The following ZNF775 variants were observed in gnomAD, a reference collection of about 807,000 sequenced individuals.
ZNF775 encodes the protein zinc finger protein 775.
Under a neutral mutation model 2.4 loss-of-function variants are expected in ZNF775, and 1 was observed. That is an observed-to-expected ratio of 0.41 (90% CI 0.15 to 1.94). ZNF775 has a LOEUF of 1.94. Ranked by LOEUF, ZNF775 falls within the 30% of genes most tolerant of loss-of-function variation. ZNF775 has a pLI of 0.30. For synonymous variants in ZNF775, 381 were observed against 373.3 expected (o/e 1.02, Z -0.24); for missense variants, 823 against 826.6 (o/e 1.00, Z 0.05).
chr7:150,389,496 G>A (rs74535144), intron 2 of ZNF775, among the ~76,000 whole-genome samples: 2,968 of 152,372 alleles, frequency 0.019, 44 homozygotes, highest in Non-Finnish European at 0.032. Flanking sequence ...CCAGGTGGTG[G>A]CAGGAGCACC....
intron 2 of ZNF775, among the ~76,000 whole-genome samples, chr7:150,389,050 G>A (rs768416079): frequency 3.3e-5 from 5 of 152,260 alleles, no homozygotes; most frequent in African/African-American, 4.8e-5. Flanking sequence ...CCTGCCCAGC[G>A]TCCCTGCGCC....
intron 2 of ZNF775, among the ~76,000 whole-genome samples, chr7:150,394,425 G>GTT (rs1417056584): frequency 6.6e-6 from 1 of 152,164 alleles, no homozygotes; most frequent in Non-Finnish European, 1.5e-5. Context: ...CCTTTCCAAT[G>GTT]TTGATGCGTT....
intron 1 of ZNF775, among the ~76,000 whole-genome samples, chr7:150,381,533 CTGTT>C (rs1460250115): frequency 1.3e-5 from 2 of 152,268 alleles, no homozygotes; most frequent in Non-Finnish European, 2.9e-5. Flanking sequence ...TCCTCTCACA[CTGTT>C]TGCGTCCCGC....
In ZNF775 at chr7:150,384,036, A is replaced by G. The variant is rs1349837962; in HGVS notation, c.-49-4386A>G. ...GGCCTCTCCACCTGCTGCTAGCTCAATCCCCTCTTTGTGTGGTTGGTCTTC... is the reference window on the plus strand; with the variant it reads ...GGCCTCTCCACCTGCTGCTAGCTCAGTCCCCTCTTTGTGTGGTTGGTCTTC... On this transcript the variant is annotated intron_variant, in intron 1 of 2. Coordinates refer to ENST00000329630, the MANE Select transcript of ZNF775 (RefSeq NM_173680.4). This position sits in a 1 kb window ranked among gnomAD's most constrained non-coding sequence, Gnocchi z 4.1. Among the ~76,000 whole-genome samples the G allele has an allele frequency of 6.6e-6, 1 of 152,176 alleles. No homozygotes were observed. Among genetic ancestry groups the G allele is most frequent in the African/African-American group, 2.4e-5 (1 of 41,442 alleles).
At chr7:150,381,166 T>G (rs1800353435) in intron 1 of ZNF775, among the ~76,000 whole-genome samples, 1 of 148,044 alleles carries the variant, frequency 6.8e-6, no homozygotes, top group African/African-American at 2.5e-5. Context: ...GGGAGGTGGG[T>G]GAGGAGGAGG....
chr7:150,379,992 G>A (rs987960282), intron 1 of ZNF775: 1 of 152,172 alleles, frequency 6.6e-6, no homozygotes, highest in African/African-American at 2.4e-5. Flanking sequence ...CAGCAGCCGC[G>A]AACTCGGTGG....
At position 150,397,785 on chromosome 7, in the gene ZNF775, C is replaced by T. The variant is rs763322529; in HGVS notation, c.1304C>T (p.Ala435Val). ...GACACGCTGTGGGGCCGGGGACAAG[C>T]GGGCCTCGCTGGGCCTGGCGAGCCG... is the stretch of plus-strand genomic sequence containing the variant. ...ARDTLWGRGQ[A>V]GLAGPGEPRQ... The change falls in exon 3 of 3, where the codon GCG becomes GTG. Residue 435 changes from alanine to valine, a missense_variant. By Grantham distance (64) the Ala-to-Val change is moderately conservative. Transcript: ENST00000329630. 3.2e-6 allele frequency: 5 copies of T among 1,546,432 alleles called. No individual in the cohort carries two copies. Among genetic ancestry groups the T allele is most frequent in the Non-Finnish European group, 2.6e-6 (3 of 1,151,230 alleles).
intron 1 of ZNF775, among the ~76,000 whole-genome samples, chr7:150,388,055 T>C (rs1324242648): frequency 6.6e-6 from 1 of 152,062 alleles, no homozygotes; most frequent in East Asian, 1.9e-4. Context: ...TCCAGGCTCC[T>C]GCTTCTCAGG....
At chr7:150,392,320 A>T (rs1800572865) in intron 2 of ZNF775, among the ~76,000 whole-genome samples, 1 of 152,196 alleles carries the variant, frequency 6.6e-6, no homozygotes, top group Admixed American at 6.5e-5. Context: ...CTCTTGTATC[A>T]TGTATCAAAC....
chr7:150,394,044 T>A (rs1800607231), intron 2 of ZNF775, among the ~76,000 whole-genome samples: 1 of 152,238 alleles, frequency 6.6e-6, no homozygotes. Flanking sequence ...TCTTCTTTGT[T>A]CATTTTTAGG....
rs140075736 is a variant in ZNF775 at position 150,380,148 on chromosome 7, C to T, written c.-50+756C>T. On this transcript the variant is annotated intron_variant, in intron 1 of 2. Coordinates refer to ENST00000329630, the MANE Select transcript of ZNF775 (RefSeq NM_173680.4). ...CAGAGCCCCAGGGGTTGGAGGCGGA[C>T]GACAGCCCAAGGCTTCACAGCTAAC... 6.5e-3 allele frequency: 997 copies of T among 152,232 alleles called. 5 individuals are homozygous for T. Among genetic ancestry groups the T allele is most frequent in the Non-Finnish European group, 0.01 (681 of 68,040 alleles). 9.4% of individuals were successfully genotyped at this position (152,232 alleles called of 1,614,324 possible).
chr7:150,389,551 C>T (rs998591719), intron 2 of ZNF775, among the ~76,000 whole-genome samples: 1 of 152,228 alleles, frequency 6.6e-6, no homozygotes, highest in Non-Finnish European at 1.5e-5. Flanking sequence ...ACTCAGAGCA[C>T]ATGTGCCCAG....
chr7:150,382,389 G>A lies in ZNF775; in HGVS notation c.-50+2997G>A, dbSNP rs949183985. 2.6e-5 allele frequency among the ~76,000 whole-genome samples: 4 copies of A among 152,168 alleles called. No individual in the cohort carries two copies. The highest frequency in any genetic ancestry group is 3.9e-4 in the East Asian group (2 of 5,188). ...GCCTTCAAGAACCTGAGCTCAAAGC[G>A]CTGCAATGACTGGCCAGGGACTAGC... On this transcript the variant is annotated intron_variant, in intron 1 of 2. Transcript: ENST00000329630. The surrounding 1 kb of genome is among the most constrained non-coding windows in gnomAD (Gnocchi z 4.6).
chr7:150,390,947 G>A (rs1158426258), intron 2 of ZNF775, among the ~76,000 whole-genome samples: 2 of 152,228 alleles, frequency 1.3e-5, no homozygotes, highest in African/African-American at 4.8e-5. Flanking sequence ...CCTGTGTAGT[G>A]TCCACGCATA....
chr7:150,387,526 AAAG>A (rs1012609050), intron 1 of ZNF775, among the ~76,000 whole-genome samples: 19 of 151,484 alleles, frequency 1.3e-4, no homozygotes, highest in African/African-American at 4.6e-4. Context: ...AAAAACAAAA[AAAG>A]AAGGCCGGGC....
chr7:150,389,719 A>G (rs968929189), intron 2 of ZNF775, among the ~76,000 whole-genome samples: 2 of 152,132 alleles, frequency 1.3e-5, no homozygotes, highest in Admixed American at 1.3e-4. Flanking sequence ...AGAGTTTGAA[A>G]AACACTAGCC....
In ZNF775 at chr7:150,397,113, G is replaced by T. The variant is rs1279958349; in HGVS notation, c.632G>T (p.Arg211Leu). Reference protein sequence around the residue: ...RHQVGLRIHQRAHARDRQGSR... With the variant: ...RHQVGLRIHQLAHARDRQGSR... ...CAGGTGGGCCTCCGCATCCACCAGCGCGCGCACGCCCGGGACCGCCAGGGC... is the reference window on the plus strand; with the variant it reads ...CAGGTGGGCCTCCGCATCCACCAGCTCGCGCACGCCCGGGACCGCCAGGGC... The change falls in exon 3 of 3, where the codon CGC (arginine) becomes CTC (leucine). Residue 211 changes from arginine to leucine, a missense_variant. By Grantham distance (102) the Arg-to-Leu change is moderately radical. Coordinates refer to ENST00000329630, the MANE Select transcript of ZNF775 (RefSeq NM_173680.4). 2 of 1,539,780 alleles carry T rather than the reference G, an allele frequency of 1.3e-6. No homozygotes were observed. The highest frequency in any genetic ancestry group is 1.7e-6 in the Non-Finnish European group (2 of 1,151,308).
At position 150,397,581 on chromosome 7, in the gene ZNF775, C is replaced by G. The variant is rs780771330; in HGVS notation, c.1100C>G (p.Pro367Arg). 1.6e-5 allele frequency: 23 copies of G among 1,483,586 alleles called. No homozygotes were observed. The Admixed American group carries it at 5.4e-4, about 35-fold the overall frequency. 91.9% of individuals were successfully genotyped at this position (1,483,586 alleles called of 1,614,324 possible). ...RTHLPGAQAA[P>R]CPSCGKSCRS... ...CACCTGCCCGGCGCCCAGGCTGCGCCCTGCCCCAGCTGCGGTAAGAGCTGC... is the reference window on the plus strand; with the variant it reads ...CACCTGCCCGGCGCCCAGGCTGCGCGCTGCCCCAGCTGCGGTAAGAGCTGC... Residue 367 changes from proline (P) to arginine (R), a missense_variant, in exon 3 of 3, where the codon CCC (proline) becomes CGC (arginine). Transcript: ENST00000329630.
chr7:150,381,069 C>G (rs112849032), intron 1 of ZNF775, among the ~76,000 whole-genome samples: 3,585 of 152,244 alleles, frequency 0.024, 153 homozygotes, highest in African/African-American at 0.081. Flanking sequence ...GGTTTATCCT[C>G]GGCCTTCAGC....
Sources: gnomAD v4.1 joint callset for allele counts (sites outside exome capture counted in the v4.1 genomes callset) on GRCh38, gnomAD v4.1.1 for gene constraint, Gnocchi (gnomAD v3.1) non-coding constraint, MANE v1.5 for transcripts, NCBI Gene and HGNC (gene_info 2026-07-23, HGNC 2026-07-21) for gene names.